VPS13B: variants seen among roughly 807,000 people sequenced by gnomAD.
The protein encoded by VPS13B is vacuolar protein sorting 13 homolog B.
A neutral mutation model predicts 426.4 loss-of-function variants in VPS13B; 285 were observed. The ratio of observed to expected loss-of-function variants is 0.67; its 90% CI spans 0.61 to 0.74. The LOEUF is 0.74. Ranked by LOEUF, VPS13B falls within the 30% of genes least tolerant of loss-of-function variation. VPS13B has a pLI of 0.00. For synonymous variants in VPS13B, 1,676 were observed against 1,676.4 expected, an observed-to-expected ratio of 1.00 and a Z score of 0.01; for missense variants, 4,537 against 4,782.6, an observed-to-expected ratio of 0.95 and a Z score of 1.51.
chr8:99,138,782 T>C (rs1386178297), intron 12 of VPS13B, among the ~76,000 whole-genome samples: 1 of 152,220 alleles, frequency 6.6e-6, no homozygotes, highest in Non-Finnish European at 1.5e-5. Flanking sequence ...TTGCCACTTG[T>C]AAACTGGTAG....
intron 29 of VPS13B, among the ~76,000 whole-genome samples, chr8:99,515,531 C>T (rs1047238363): frequency 3.3e-5 from 5 of 151,940 alleles, no homozygotes; most frequent in Non-Finnish European, 7.4e-5. Context: ...CCTAAGGTCA[C>T]CTTGAATAAG....
At position 99,876,233 on chromosome 8, in the gene VPS13B, A is replaced by ATTCTTTCTTTAAATGAAATGCTTAGGAC. The variant is rs1817696166; in HGVS notation, c.*570_*597dup. 6.3e-6 allele frequency: 1 copy of ATTCTTTCTTTAAATGAAATGCTTAGGAC among 158,320 alleles called. No homozygotes were observed. Among genetic ancestry groups the ATTCTTTCTTTAAATGAAATGCTTAGGAC allele is most frequent in the East Asian group, 1.8e-4 (1 of 5,414 alleles). 9.8% of individuals were successfully genotyped at this position (158,320 alleles called of 1,614,324 possible). A position where few individuals can be genotyped will look rare whatever the true frequency, so the allele number is the denominator to read the frequency against. ...GCTCCTTTGTCTGCAAAGGCCTAGGATTCTTTCTTTAAATGAAATGCTTAG... is the reference window on the plus strand; with the variant it reads ...GCTCCTTTGTCTGCAAAGGCCTAGGATTCTTTCTTTAAATGAAATGCTTAGGACTTCTTTCTTTAAATGAAATGCTTAG... On this transcript the variant is annotated 3_prime_UTR_variant, in exon 62 of 62. Coordinates refer to ENST00000357162, the MANE Select transcript of VPS13B (RefSeq NM_152564.5).
intron 35 of VPS13B, among the ~76,000 whole-genome samples, chr8:99,683,682 A>G (rs1831249895): frequency 6.6e-6 from 1 of 152,148 alleles, no homozygotes; most frequent in African/African-American, 2.4e-5. Context: ...ATAGAAACTC[A>G]ATTGATTTTT....
At chr8:99,674,156 G>A (rs1830828672) in intron 35 of VPS13B, among the ~76,000 whole-genome samples, 1 of 151,936 alleles carries the variant, frequency 6.6e-6, no homozygotes, top group South Asian at 2.1e-4. Context: ...TTTCTGTCTG[G>A]ATGGTCTACC....
chr8:99,813,479 GT>G (rs2130798604), intron 44 of VPS13B, among the ~76,000 whole-genome samples: 1 of 152,304 alleles, frequency 6.6e-6, no homozygotes, highest in South Asian at 2.1e-4. Flanking sequence ...GTTTTCAAAT[GT>G]TTATTTCAAG....
At chr8:99,631,194 C>T (rs999927548) in intron 33 of VPS13B, among the ~76,000 whole-genome samples, 9 of 151,856 alleles carry the variant, frequency 5.9e-5, no homozygotes, top group African/African-American at 2.2e-4. Flanking sequence ...TCTTGTTGTT[C>T]CAGGTCCAAA....
At position 99,844,040 on chromosome 8, in the gene VPS13B, A is replaced by G. The variant is rs185214009; in HGVS notation, c.9943-4736A>G. On this transcript the variant is annotated intron_variant, in intron 54 of 61. Transcript: ENST00000357162. Reference sequence around the variant, plus strand: ...GATTTACATTTTTTTCCAAGTCAATATAACAGTTAAGTTTTAACAGTGAGT... The same window carrying G: ...GATTTACATTTTTTTCCAAGTCAATGTAACAGTTAAGTTTTAACAGTGAGT... Among the ~76,000 whole-genome samples the G allele has an allele frequency of 6.7e-4, 102 of 152,342 alleles. 2 individuals are homozygous for G. The highest frequency in any genetic ancestry group is 2.3e-3 in the African/African-American group (96 of 41,578).
chr8:99,291,504 A>G (rs565895961), intron 19 of VPS13B, among the ~76,000 whole-genome samples: 2 of 152,228 alleles, frequency 1.3e-5, no homozygotes, highest in Admixed American at 1.3e-4. Flanking sequence ...TATTTACTTT[A>G]ATTTATTGGC....
intron 29 of VPS13B, among the ~76,000 whole-genome samples, chr8:99,512,787 A>T (rs993595363): frequency 6.6e-6 from 1 of 152,122 alleles, no homozygotes; most frequent in Non-Finnish European, 1.5e-5. Flanking sequence ...AGTCGGGCAG[A>T]TCATGAGGTC....
intron 17 of VPS13B, among the ~76,000 whole-genome samples, chr8:99,270,131 CTTTTTTTTTTTTT>C (rs71273170): frequency 3.3e-5 from 1 of 30,316 alleles, no homozygotes; most frequent in East Asian, 1.2e-3. Flanking sequence ...ATATAAGAAT[CTTTTTTTTTTTTT>C]TTTTTTTTTT....
At chr8:99,548,021 A>G (rs1333333585) in intron 30 of VPS13B, among the ~76,000 whole-genome samples, 7 of 152,110 alleles carry the variant, frequency 4.6e-5, no homozygotes, top group Non-Finnish European at 8.8e-5. Flanking sequence ...TGAAACAACA[A>G]TATAACGCTT....
intron 54 of VPS13B, among the ~76,000 whole-genome samples, chr8:99,847,866 A>T (rs922615972): frequency 2.0e-5 from 3 of 152,224 alleles, no homozygotes; most frequent in Non-Finnish European, 4.4e-5. Context: ...GTCAAGCAAG[A>T]GGCCACCTTT....
intron 21 of VPS13B, among the ~76,000 whole-genome samples, chr8:99,414,128 A>G (rs895074218): frequency 3.3e-5 from 5 of 151,952 alleles, no homozygotes; most frequent in Non-Finnish European, 5.9e-5. Flanking sequence ...GTGCATATAT[A>G]TTTAGGATAG....
In VPS13B at chr8:99,192,982, A is replaced by G. The variant is rs1813688174; in HGVS notation, c.2440A>G (p.Ser814Gly). The part of the protein sequence containing the change: ...QTLLLQAIYQ[S>G]WSHLGNVSSS... Reference sequence around the variant, plus strand: ...ACTTCTCTTGCAAGCAATATATCAAAGTTGGTCTCATCTTGGAAATGTCAG... The same window carrying G: ...ACTTCTCTTGCAAGCAATATATCAAGGTTGGTCTCATCTTGGAAATGTCAG... The change falls in exon 17 of 62, where the codon AGT becomes GGT. Residue 814 changes from serine to glycine, a missense_variant. By Grantham distance (56) the Ser-to-Gly change is moderately conservative. Coordinates refer to ENST00000357162, the MANE Select transcript of VPS13B (RefSeq NM_152564.5). 6.2e-7 allele frequency: 1 copy of G among 1,613,770 alleles called. No individual in the cohort carries two copies.
intron 33 of VPS13B, among the ~76,000 whole-genome samples, chr8:99,636,539 G>T (rs1473538414): frequency 6.6e-6 from 1 of 151,928 alleles, no homozygotes; most frequent in African/African-American, 2.4e-5. Flanking sequence ...TAAAGTGAAT[G>T]CTTGGAAAAT....
At chr8:99,072,018 G>T (rs1250428650) in intron 3 of VPS13B, among the ~76,000 whole-genome samples, 1 of 152,000 alleles carries the variant, frequency 6.6e-6, no homozygotes, top group African/African-American at 2.4e-5. Context: ...CCATCCAGAA[G>T]CCAGGGTCTG....
At chr8:99,124,788 A>G (rs773491983) in intron 8 of VPS13B, among the ~76,000 whole-genome samples, 20 of 148,800 alleles carry the variant, frequency 1.3e-4, no homozygotes, top group Non-Finnish European at 2.2e-4. Context: ...AGGCTGAGGC[A>G]GGAGACTCGC....
rs549382234 is a variant in VPS13B at position 99,400,473 on chromosome 8, A to G, written c.3082+8769A>G. On this transcript the variant is annotated intron_variant, in intron 21 of 61. Transcript: ENST00000357162. Reference sequence around the variant, plus strand: ...AGTCTTCAATTGTTTTTCTTAGTGCACGCCTACCAGTAATTTTTTGAGCAA... The same window carrying G: ...AGTCTTCAATTGTTTTTCTTAGTGCGCGCCTACCAGTAATTTTTTGAGCAA... Among the ~76,000 whole-genome samples, 4 of 152,312 alleles carry G rather than the reference A, an allele frequency of 2.6e-5. No homozygotes were observed. In the South Asian group the frequency reaches 8.3e-4, roughly 32 times the overall value.
rs1289479337 is a variant in VPS13B at position 99,823,859 on chromosome 8, G to A, written c.9211G>A (p.Val3071Ile). The A allele has an allele frequency of 4.3e-6, 7 of 1,613,330 alleles. No individual in the cohort carries two copies. The highest frequency in any genetic ancestry group is 5.9e-6 in the Non-Finnish European group (7 of 1,179,830). Residue 3071 changes from valine (V) to isoleucine (I), a missense_variant, in exon 51 of 62, where the codon GTA becomes ATA. Transcript: ENST00000357162. Reference protein sequence around the residue: ...KLCQFCISSMVQQGIQIIQIE... With the variant: ...KLCQFCISSMIQQGIQIIQIE... ...ATGTCAGTTCTGCATTTCCTCCATGGTACAGCAAGGTATACAAATTATTCA... is the reference window on the plus strand; with the variant it reads ...ATGTCAGTTCTGCATTTCCTCCATGATACAGCAAGGTATACAAATTATTCA...
Sources: gnomAD v4.1 joint callset for allele counts (sites outside exome capture counted in the v4.1 genomes callset) on GRCh38, gnomAD v4.1.1 for gene constraint, MANE v1.5 for transcripts, NCBI Gene and HGNC (gene_info 2026-07-23, HGNC 2026-07-21) for gene names.